Variants in TUB observed in about 807,000 individuals in gnomAD.
TUB encodes the protein TUB bipartite transcription factor.
TUB carries 33 observed loss-of-function variants against 59.7 expected under a neutral mutation model. The observed-to-expected ratio is 0.55, with a 90% CI of 0.42 to 0.74. The LOEUF (loss-of-function observed/expected upper bound fraction) is 0.74. Ranked by LOEUF, TUB falls within the 30% of genes least tolerant of loss-of-function variation. TUB has a pLI of 0.00. For missense variants in TUB, 659 were observed against 672.0 expected (o/e 0.98, Z 0.21); for synonymous variants, 293 against 256.4 (o/e 1.14, Z -1.36).
intron 1 of TUB, among the ~76,000 whole-genome samples, chr11:8,030,338 C>T (rs745450097): frequency 2.0e-5 from 3 of 152,206 alleles, no homozygotes; most frequent in Non-Finnish European, 4.4e-5. Context: ...TCTGTTGATA[C>T]TTACTGCCTT....
At chr11:8,096,932 C>A in intron 6 of TUB, 126 bp downstream of exon 6, 1 of 1,100,130 alleles carries the variant, frequency 9.1e-7, no homozygotes, top group Non-Finnish European at 1.3e-6. Context: ...TTATGTCCCT[C>A]TACCTTGCCT....
chr11:8,066,260 C>G (rs1323317708), intron 2 of TUB, among the ~76,000 whole-genome samples: 1 of 152,210 alleles, frequency 6.6e-6, no homozygotes, highest in Non-Finnish European at 1.5e-5. Flanking sequence ...ACTTGGCACA[C>G]AGCATGACAG....
Position 8,089,593 on chromosome 11 carries a change from CCT to C in TUB, c.39-14_39-13del, listed in dbSNP as rs763687119. On this transcript the variant is annotated splice_polypyrimidine_tract_variant and intron_variant, in intron 1 of 11. Coordinates refer to ENST00000299506, the MANE Select transcript of TUB (RefSeq NM_177972.3). The stretch of plus-strand genomic sequence containing the variant: ...ACCTCACGGGCAAGCCCTGAAAACC[CCT>C]CTTTCGCTCTGCAGTGTCTTAGATG... 4.3e-6 allele frequency: 7 copies of C among 1,613,992 alleles called. No homozygotes were observed. In the East Asian group the frequency reaches 1.1e-4, roughly 26 times the overall value.
intron 1 of TUB, among the ~76,000 whole-genome samples, chr11:8,031,567 C>G (rs1156364607): frequency 6.6e-6 from 1 of 152,224 alleles, no homozygotes; most frequent in African/African-American, 2.4e-5. Flanking sequence ...AGAGCGGGGA[C>G]CTCGGTCTGC....
intron 3 of TUB, among the ~76,000 whole-genome samples, chr11:8,091,310 C>T (rs1943768760): frequency 6.6e-6 from 1 of 152,182 alleles, no homozygotes; most frequent in Non-Finnish European, 1.5e-5. Context: ...CTGGGCACAC[C>T]ATACAGGCTC....
intron 1 of TUB, among the ~76,000 whole-genome samples, chr11:8,033,082 T>C (rs1942598921): frequency 6.6e-6 from 1 of 152,056 alleles, no homozygotes; most frequent in African/African-American, 2.4e-5. Context: ...AGGGTGCCAA[T>C]ATGATCTGGG....
chr11:8,032,676 T>G (rs934078137), intron 1 of TUB, among the ~76,000 whole-genome samples: 12 of 117,676 alleles, frequency 1.0e-4, no homozygotes, highest in African/African-American at 3.2e-4. Flanking sequence ...CCCTCCTCCC[T>G]TTGCACCTCC....
chr11:8,072,349 G>A (rs1267523829), intron 2 of TUB, among the ~76,000 whole-genome samples: 1 of 152,166 alleles, frequency 6.6e-6, no homozygotes, highest in South Asian at 2.1e-4. Context: ...CCTAGGCAGG[G>A]CAGCAGTGGT....
At chr11:8,095,404 C>T (rs1943940716) in intron 4 of TUB, 94 bp from the exon 5 acceptor site, 3 of 1,351,988 alleles carry the variant, frequency 2.2e-6, no homozygotes, top group Non-Finnish European at 2.0e-6. Context: ...AGAGGGTTTC[C>T]CCACTCTTCC....
intron 1 of TUB, among the ~76,000 whole-genome samples, chr11:8,032,581 C>T (rs1231060251): frequency 6.6e-6 from 1 of 152,194 alleles, no homozygotes; most frequent in African/African-American, 2.4e-5. Flanking sequence ...TTTGCCGATG[C>T]CTGAGATATT....
intron 1 of TUB, among the ~76,000 whole-genome samples, chr11:8,033,387 C>A (rs528119073): frequency 2.0e-5 from 3 of 152,184 alleles, no homozygotes; most frequent in Admixed American, 1.3e-4. Context: ...TTGAGCACTC[C>A]GGGAGTTTCT....
intron 2 of TUB, 81 bp from the exon 3 acceptor site, chr11:8,089,988 T>G: frequency 6.8e-7 from 1 of 1,468,524 alleles, no homozygotes; most frequent in Non-Finnish European, 9.0e-7. Flanking sequence ...TGGCCCAAGG[T>G]GGGCTGTGGA....
intron 1 of TUB, among the ~76,000 whole-genome samples, chr11:8,033,160 A>G (rs1235577745): frequency 6.6e-6 from 1 of 152,110 alleles, no homozygotes; most frequent in Non-Finnish European, 1.5e-5. Context: ...TGTCGCTTCC[A>G]CACCCTGGGG....
At chr11:8,084,686 G>C (rs1943634003) in intron 1 of TUB, among the ~76,000 whole-genome samples, 1 of 152,186 alleles carries the variant, frequency 6.6e-6, no homozygotes, top group Non-Finnish European at 1.5e-5. Flanking sequence ...GCACAGACAA[G>C]ACGTCCACTT....
At chr11:8,054,137 T>C (rs1388098037) in intron 2 of TUB, among the ~76,000 whole-genome samples, 1 of 152,114 alleles carries the variant, frequency 6.6e-6, no homozygotes, top group Admixed American at 6.5e-5. Flanking sequence ...AAGTTTGAAA[T>C]ACTTGTCCCA....
chr11:8,096,361 A>T (rs1299535293), intron 5 of TUB, among the ~76,000 whole-genome samples: 1 of 152,174 alleles, frequency 6.6e-6, no homozygotes, highest in Non-Finnish European at 1.5e-5. Context: ...GCCTTGATAC[A>T]CAAGAGACAG....
At chr11:8,049,572 TATATATATAGATAGATAG>T (rs1942894556) in intron 2 of TUB, among the ~76,000 whole-genome samples, 1 of 92,284 alleles carries the variant, frequency 1.1e-5, no homozygotes, top group African/African-American at 4.0e-5. Context: ...TATATATATA[TATATATATAGATAGATAG>T]ATAGATAGAT....
Position 8,105,800 on chromosome 11 carries a change from TCCCTCC to T in TUB, c.*4186_*4191del, listed in dbSNP as rs1478048666. 6.6e-6 allele frequency: 1 copy of T among 152,102 alleles called. No homozygotes were observed. The highest frequency in any genetic ancestry group is 1.5e-5 in the Non-Finnish European group (1 of 68,028). 9.4% of individuals were successfully genotyped at this position (152,102 alleles called of 1,614,324 possible). Reference sequence around the variant, plus strand: ...CTCTCCTCCTCTGTGCTCCTGTCCCTCCCTCCCCCTAGCAAGGTCCAGGCAAAGCTG... The same window carrying T: ...CTCTCCTCCTCTGTGCTCCTGTCCCTCCCTAGCAAGGTCCAGGCAAAGCTG... On this transcript the variant is annotated 3_prime_UTR_variant, in exon 12 of 12. Transcript: ENST00000299506.
chr11:8,044,608 C>A (rs1410782518), intron 2 of TUB, among the ~76,000 whole-genome samples: 1 of 152,230 alleles, frequency 6.6e-6, no homozygotes, highest in Non-Finnish European at 1.5e-5. Flanking sequence ...TAGATGCCAA[C>A]TGAGGGTCCT....
Sources: gnomAD v4.1 joint callset for allele counts (sites outside exome capture counted in the v4.1 genomes callset) on GRCh38, gnomAD v4.1.1 for gene constraint, MANE v1.5 for transcripts, NCBI Gene and HGNC (gene_info 2026-07-23, HGNC 2026-07-21) for gene names.